SH3RF1: variants seen among roughly 807,000 people sequenced by gnomAD.
The protein encoded by SH3RF1 is E3 ubiquitin-protein ligase SH3RF1.
In SH3RF1, 32 loss-of-function variants were observed where a neutral mutation model predicts 74.0. The observed-to-expected ratio is 0.43, with a 90% CI of 0.33 to 0.58. The LOEUF (loss-of-function observed/expected upper bound fraction) is 0.58. Among genes scored for constraint, SH3RF1 ranks in the 20% least tolerant of loss-of-function variants. The probability of loss-of-function intolerance (pLI) is 0.05; values close to 1 mark genes in which losing one functional copy is unlikely to be tolerated. For synonymous variants in SH3RF1, 396 were observed against 439.6 expected (o/e 0.90, Z 1.24); for missense variants, 954 against 1,130.9 (o/e 0.84, Z 2.24).
chr4:169,196,363 T>C (rs1333409589), intron 2 of SH3RF1, among the ~76,000 whole-genome samples: 1 of 152,226 alleles, frequency 6.6e-6, no homozygotes, highest in East Asian at 1.9e-4. Flanking sequence ...CAAAACAATG[T>C]TATTCAAGGA....
rs766007723 is a variant in SH3RF1 at position 169,156,490 on chromosome 4, G to T, written c.583C>A (p.Pro195Thr). 2.5e-6 allele frequency: 4 copies of T among 1,613,908 alleles called. No homozygotes were observed. In the African/African-American group the frequency reaches 4.0e-5, roughly 16 times the overall value. Residue 195 changes from proline to threonine, a missense_variant, in exon 3 of 12, where the codon CCT becomes ACT. Coordinates refer to ENST00000284637, the MANE Select transcript of SH3RF1 (RefSeq NM_020870.4). The stretch of plus-strand genomic sequence containing the variant: ...GCTTTGCACTGAGGTGGGGGCTGAG[G>T]TAACGGTTTAATAATCTGCACAAAG... ...TNFVQIIKPL[P>T]QPPPQCKALY... is the part of the protein sequence containing the mutation.
intron 2 of SH3RF1, among the ~76,000 whole-genome samples, chr4:169,264,610 C>G (rs1731325036): frequency 1.3e-5 from 2 of 152,172 alleles, no homozygotes; most frequent in Admixed American, 1.3e-4. Flanking sequence ...ACCTTTCTTT[C>G]CCGATCTCTC....
chr4:169,116,701 C>G (rs1733340580), intron 9 of SH3RF1, 71 bp from the exon 10 acceptor site: 3 of 1,474,768 alleles, frequency 2.0e-6, no homozygotes, highest in Non-Finnish European at 9.0e-7. Context: ...AAACATGAGT[C>G]ATTTCACTGC....
In SH3RF1 at chr4:169,210,663, G is replaced by A. The variant is rs1355362460; in HGVS notation, c.394-53984C>T. 5.3e-5 allele frequency among the ~76,000 whole-genome samples: 8 copies of A among 152,198 alleles called. 1 individual carries two copies. In the South Asian group the frequency reaches 1.5e-3, roughly 28 times the overall value. ...CCTAAAAGTGTCTCCATGCATAGTC[G>A]ACTGTGACCTGACTGGATGTGTAAA... On this transcript the variant is annotated intron_variant, in intron 2 of 11. Coordinates refer to ENST00000284637, the MANE Select transcript of SH3RF1 (RefSeq NM_020870.4).
chr4:169,252,595 G>T (rs2110747962), intron 2 of SH3RF1, among the ~76,000 whole-genome samples: 1 of 152,322 alleles, frequency 6.6e-6, no homozygotes, highest in South Asian at 2.1e-4. Flanking sequence ...TTGGTTTTAA[G>T]TATCAAACTG....
At chr4:169,198,469 T>C (rs1405989706) in intron 2 of SH3RF1, among the ~76,000 whole-genome samples, 1 of 152,220 alleles carries the variant, frequency 6.6e-6, no homozygotes, top group Non-Finnish European at 1.5e-5. Flanking sequence ...ACAAAATACA[T>C]ATACTTGTTT....
chr4:169,247,946 C>T (rs1350511612), intron 2 of SH3RF1, among the ~76,000 whole-genome samples: 2 of 151,998 alleles, frequency 1.3e-5, no homozygotes, highest in Admixed American at 1.3e-4. Context: ...ATGAGATACG[C>T]CACTCCAGTT....
intron 2 of SH3RF1, among the ~76,000 whole-genome samples, chr4:169,163,284 AATGCT>A (rs1734180982): frequency 6.6e-6 from 1 of 152,182 alleles, no homozygotes; most frequent in African/African-American, 2.4e-5. Context: ...AAAACGAAAA[AATGCT>A]ATTAGACTCT....
At chr4:169,123,846 T>C (rs1319409180) in intron 6 of SH3RF1, among the ~76,000 whole-genome samples, 3 of 151,488 alleles carry the variant, frequency 2.0e-5, no homozygotes, top group Non-Finnish European at 4.4e-5. Context: ...GAGCCAAGAT[T>C]GCGCCACTGC....
Position 169,122,234 on chromosome 4 carries a change from GAGAGGGGGTGGTGGA to G in SH3RF1, c.1197_1211del (p.Pro400_Leu404del). ...TGGAGGCAAGGACAGTGGCAGCCAG[GAGAGGGGGTGGTGGA>G]AGAGGAGGATTCAAAGTCTAGTATA... On this transcript the variant is annotated inframe_deletion, in exon 7 of 12. Transcript: ENST00000284637. 6.2e-7 allele frequency: 1 copy of G among 1,609,732 alleles called. No individual in the cohort carries two copies. The highest frequency in any genetic ancestry group is 1.3e-5 in the African/African-American group (1 of 75,004).
At chr4:169,203,606 C>T (rs1299555308) in intron 2 of SH3RF1, among the ~76,000 whole-genome samples, 1 of 151,452 alleles carries the variant, frequency 6.6e-6, no homozygotes, top group African/African-American at 2.4e-5. Context: ...CAATCCCTAC[C>T]AGAAACAAGA....
intron 2 of SH3RF1, among the ~76,000 whole-genome samples, chr4:169,255,625 ACACAC>A (rs1561066170): frequency 1.6e-5 from 2 of 128,352 alleles, no homozygotes; most frequent in African/African-American, 5.6e-5. Flanking sequence ...ACACACATAC[ACACAC>A]ACACACACAC....
At chr4:169,221,172 C>T (rs558024087) in intron 2 of SH3RF1, among the ~76,000 whole-genome samples, 234 of 152,254 alleles carry the variant, frequency 1.5e-3, no homozygotes, top group African/African-American at 5.2e-3. Flanking sequence ...AGCATTAAGA[C>T]GAAAGGCTGA....
At chr4:169,184,291 G>A (rs1045781068) in intron 2 of SH3RF1, among the ~76,000 whole-genome samples, 5 of 152,188 alleles carry the variant, frequency 3.3e-5, no homozygotes. Flanking sequence ...AAATTTTAAG[G>A]TGTTTTTAGC....
Position 169,136,561 on chromosome 4 carries a change from A to G in SH3RF1, c.825T>C (p.Asp275=), listed in dbSNP as rs768131754. ...CTGCTGCCGAGGAACATTCTCCAGC[A>G]TCAACTCCTGGCACAGGAGGCTTAT... ...EWDKPPVPGV[D]AGECSSAAAQ... is the part of the protein sequence containing the mutation. The change falls in exon 5 of 12, where the codon GAT becomes GAC. Residue 275 remains aspartate (D), a synonymous_variant. Transcript: ENST00000284637. 2 of 1,600,772 alleles carry G rather than the reference A, an allele frequency of 1.2e-6. No homozygotes were observed. The highest frequency in any genetic ancestry group is 1.8e-5 in the Admixed American group (1 of 56,882).
intron 2 of SH3RF1, among the ~76,000 whole-genome samples, chr4:169,261,141 G>A (rs896163990): frequency 1.3e-5 from 2 of 152,024 alleles, no homozygotes; most frequent in African/African-American, 2.4e-5. Flanking sequence ...CTATGGCTCC[G>A]CATCTTTGAG....
At chr4:169,100,266 A>T (rs1408034423) in intron 11 of SH3RF1, among the ~76,000 whole-genome samples, 1 of 152,044 alleles carries the variant, frequency 6.6e-6, no homozygotes, top group Non-Finnish European at 1.5e-5. Context: ...TACCTTCAAA[A>T]TCTGCATCCC....
intron 2 of SH3RF1, among the ~76,000 whole-genome samples, chr4:169,223,341 T>C (rs1481309537): frequency 1.3e-5 from 2 of 151,984 alleles, no homozygotes; most frequent in Non-Finnish European, 2.9e-5. Flanking sequence ...TCTATGAGAG[T>C]TCTGAGGCAC....
chr4:169,262,434 A>T (rs1279511965), intron 2 of SH3RF1, among the ~76,000 whole-genome samples: 1 of 152,204 alleles, frequency 6.6e-6, no homozygotes, highest in Non-Finnish European at 1.5e-5. Flanking sequence ...TGGGAGGCTA[A>T]GGTGGGTGGA....
Sources: gnomAD v4.1 joint callset for allele counts (sites outside exome capture counted in the v4.1 genomes callset) on GRCh38, gnomAD v4.1.1 for gene constraint, MANE v1.5 for transcripts, NCBI Gene and HGNC (gene_info 2026-07-23, HGNC 2026-07-21) for gene names.